Variants in PACRG observed in about 807,000 individuals in gnomAD.
PACRG encodes parkin coregulated gene protein.
Under a neutral mutation model 29.7 loss-of-function variants are expected in PACRG, and 29 were observed. The observed-to-expected ratio is 0.98, with a 90% CI of 0.73 to 1.33. The LOEUF is 1.33. PACRG is among the 40% of genes most tolerant of loss of function. The pLI is 0.00. For missense variants in PACRG, 279 were observed against 316.2 expected (o/e 0.88, Z 0.89); for synonymous variants, 116 against 118.7 (o/e 0.98, Z 0.15).
intron 2 of PACRG, among the ~76,000 whole-genome samples, chr6:163,060,473 T>C (rs1188612937): frequency 6.6e-6 from 1 of 152,160 alleles, no homozygotes; most frequent in Non-Finnish European, 1.5e-5. Flanking sequence ...ATTCCATAAA[T>C]GTATGCTGAA....
chr6:162,799,650 A>G (rs1038489724), intron 1 of PACRG, among the ~76,000 whole-genome samples: 3 of 151,862 alleles, frequency 2.0e-5, no homozygotes, highest in African/African-American at 7.2e-5. Context: ...TCTTACTACT[A>G]TAAATATCTT....
chr6:162,789,696 G>T (rs1031862574), intron 1 of PACRG, among the ~76,000 whole-genome samples: 2 of 152,022 alleles, frequency 1.3e-5, no homozygotes, highest in Admixed American at 6.6e-5. Context: ...TATATTATCA[G>T]GTATTGATTT....
At chr6:163,034,517 G>A (rs1807977386) in intron 2 of PACRG, among the ~76,000 whole-genome samples, 1 of 152,022 alleles carries the variant, frequency 6.6e-6, no homozygotes, top group Non-Finnish European at 1.5e-5. Flanking sequence ...TTATGAAGAG[G>A]GGCCTCTAAC....
chr6:162,808,640 T>C (rs1406664969), intron 1 of PACRG, among the ~76,000 whole-genome samples: 1 of 152,188 alleles, frequency 6.6e-6, no homozygotes, highest in Non-Finnish European at 1.5e-5. Context: ...TCTGTAGTTA[T>C]TTCAAACTGC....
chr6:162,772,402 A>G (rs1282123990), intron 1 of PACRG, among the ~76,000 whole-genome samples: 1 of 152,232 alleles, frequency 6.6e-6, no homozygotes, highest in Non-Finnish European at 1.5e-5. Context: ...AGCCTCTAAC[A>G]CAAAGAGAAA....
At chr6:163,080,534 T>C (rs118028257) in intron 3 of PACRG, among the ~76,000 whole-genome samples, 1 of 152,304 alleles carries the variant, frequency 6.6e-6, no homozygotes, top group East Asian at 1.9e-4. Flanking sequence ...GTGTCTGGAA[T>C]ATGGGGAGTG....
intron 4 of PACRG, among the ~76,000 whole-genome samples, chr6:163,293,488 C>T (rs1284773955): frequency 6.6e-6 from 1 of 152,246 alleles, no homozygotes. Context: ...CACAAGGCAG[C>T]TGTCCCAGGC....
intron 1 of PACRG, among the ~76,000 whole-genome samples, chr6:162,764,015 C>G (rs2128294517): frequency 6.6e-6 from 1 of 152,256 alleles, no homozygotes; most frequent in Non-Finnish European, 1.5e-5. Context: ...GTGGCTCACG[C>G]CTGTAATTCC....
chr6:163,053,813 A>T (rs1029082419), intron 2 of PACRG: 3 of 152,152 alleles, frequency 2.0e-5, no homozygotes, highest in African/African-American at 7.2e-5. Flanking sequence ...AGGCACAGCC[A>T]CTCATCATCT....
chr6:162,950,842 A>C lies in PACRG; in HGVS notation c.292-111308A>C, dbSNP rs9968797. On this transcript the variant is annotated intron_variant, in intron 2 of 4. Coordinates refer to ENST00000366888, the MANE Select transcript of PACRG (RefSeq NM_001080379.2). The stretch of plus-strand genomic sequence containing the variant: ...GAAAGGGCTAATAGTTAAAAAGAAA[A>C]GCCTAGACAGAGTGGACAAGATAAA... 2.1e-3 allele frequency among the ~76,000 whole-genome samples: 325 copies of C among 152,340 alleles called. 2 individuals carry two copies. Among genetic ancestry groups the C allele is most frequent in the African/African-American group, 7.3e-3 (305 of 41,586 alleles).
rs1295038766 is a variant in PACRG at position 163,160,790 on chromosome 6, C to T, written c.613+71382C>T. Among the ~76,000 whole-genome samples, 5 of 152,260 alleles carry T rather than the reference C, an allele frequency of 3.3e-5. No homozygotes were observed. The East Asian group carries it at 9.7e-4, about 29-fold the overall frequency. ...GAATAATATGTAGTCAGCTTAATTT[C>T]CCCCCTTGAATATGCTTAAGGGAAC... On this transcript the variant is annotated intron_variant, in intron 4 of 4. Transcript: ENST00000366888.
chr6:163,040,936 G>T (rs1445796284), intron 2 of PACRG, among the ~76,000 whole-genome samples: 1 of 152,158 alleles, frequency 6.6e-6, no homozygotes, highest in Non-Finnish European at 1.5e-5. Context: ...TGTTGATAAG[G>T]CATGATTAGT....
At chr6:163,314,650 C>A (rs965716596) in intron 4 of PACRG, among the ~76,000 whole-genome samples, 177 bp from the exon 5 acceptor site, 1 of 152,194 alleles carries the variant, frequency 6.6e-6, no homozygotes, top group African/African-American at 2.4e-5. Context: ...CGGCTCCAAT[C>A]TGGGACTTGG....
chr6:162,730,605 CAGA>C (rs1386886405), intron 1 of PACRG, among the ~76,000 whole-genome samples: 1 of 151,952 alleles, frequency 6.6e-6, no homozygotes, highest in Non-Finnish European at 1.5e-5. Context: ...GCTGTGCAAG[CAGA>C]AATGCTTATT....
chr6:162,893,555 G>T (rs1211931912), intron 2 of PACRG, among the ~76,000 whole-genome samples: 4 of 144,162 alleles, frequency 2.8e-5, no homozygotes, highest in African/African-American at 1.0e-4. Flanking sequence ...TGTTTTCAGA[G>T]GCACCACGCG....
At chr6:163,307,198 A>G (rs1051774083) in intron 4 of PACRG, among the ~76,000 whole-genome samples, 1 of 152,258 alleles carries the variant, frequency 6.6e-6, no homozygotes, top group African/African-American at 2.4e-5. Flanking sequence ...GCCAAGATTC[A>G]TGATCTCTTC....
intron 4 of PACRG, among the ~76,000 whole-genome samples, chr6:163,102,395 C>T (rs77830579): frequency 3.1e-4 from 47 of 152,278 alleles, no homozygotes; most frequent in Non-Finnish European, 5.3e-4. Context: ...GCAATCCAAT[C>T]TCAGATTTTC....
rs530631507 is a variant in PACRG at position 162,917,944 on chromosome 6, A to G, written c.291+103663A>G. On this transcript the variant is annotated intron_variant, in intron 2 of 4. Coordinates refer to ENST00000366888, the MANE Select transcript of PACRG (RefSeq NM_001080379.2). ...CTGATGTACCATTCTGTGAACAGCA[A>G]ATGTGTTTACAAGGTGCAAACTGTG... Among the ~76,000 whole-genome samples, 196 of 152,308 alleles carry G rather than the reference A, an allele frequency of 1.3e-3. 2 individuals are homozygous for G. Among genetic ancestry groups the G allele is most frequent in the African/African-American group, 4.6e-3 (190 of 41,562 alleles).
At chr6:163,245,344 T>G (rs754161820) in intron 4 of PACRG, among the ~76,000 whole-genome samples, 1 of 152,248 alleles carries the variant, frequency 6.6e-6, no homozygotes, top group Non-Finnish European at 1.5e-5. Context: ...GCCTGAATTA[T>G]AATTATAGCC....
Sources: gnomAD v4.1 joint callset for allele counts (sites outside exome capture counted in the v4.1 genomes callset) on GRCh38, gnomAD v4.1.1 for gene constraint, MANE v1.5 for transcripts, NCBI Gene and HGNC (gene_info 2026-07-23, HGNC 2026-07-21) for gene names.